The following CTDSPL variants were observed in gnomAD, a reference collection of about 807,000 sequenced individuals.
CTDSPL encodes the protein CTD small phosphatase-like protein.
CTDSPL carries 8 observed loss-of-function variants against 30.5 expected under a neutral mutation model. The ratio of observed to expected loss-of-function variants is 0.26; its 90% confidence interval spans 0.15 to 0.47. CTDSPL has a LOEUF of 0.47. Among genes scored for constraint, CTDSPL ranks in the 20% least tolerant of loss-of-function variants. The pLI is 0.99. For synonymous variants in CTDSPL, 110 were observed against 137.9 expected, an observed-to-expected ratio of 0.80 and a Z score of 1.42; for missense variants, 248 against 366.1, an observed-to-expected ratio of 0.68 and a Z score of 2.63.
intron 3 of CTDSPL, among the ~76,000 whole-genome samples, chr3:37,964,244 A>G (rs537926953): frequency 1.1e-3 from 161 of 152,172 alleles, no homozygotes; most frequent in Admixed American, 3.2e-3. Context: ...GTGAGGCAAA[A>G]TGCTGGGCAT....
chr3:37,974,677 A>G (rs1362217135), intron 6 of CTDSPL, among the ~76,000 whole-genome samples: 1 of 152,204 alleles, frequency 6.6e-6, no homozygotes, highest in Non-Finnish European at 1.5e-5. Flanking sequence ...AGAGAGGGCC[A>G]GGCAGGATGA....
chr3:37,910,161 T>G (rs1698565842), intron 1 of CTDSPL, among the ~76,000 whole-genome samples: 1 of 152,212 alleles, frequency 6.6e-6, no homozygotes, highest in Non-Finnish European at 1.5e-5. Context: ...GGCCACATAG[T>G]AACCACATAA....
chr3:37,964,787 T>C, intron 4 of CTDSPL, 115 bp downstream of exon 4: 1 of 710,256 alleles, frequency 1.4e-6, no homozygotes, highest in Non-Finnish European at 2.4e-6. Context: ...ACTTCACTCT[T>C]CATGTAGAAA....
In CTDSPL at chr3:37,984,362, C is replaced by T. The variant is rs1393120529; in HGVS notation, c.*3495C>T. On this transcript the variant is annotated 3_prime_UTR_variant, in exon 8 of 8. Coordinates refer to ENST00000273179, the MANE Select transcript of CTDSPL (RefSeq NM_001008392.2). ...GAATGTGATAAACAATCCAGCATTA[C>T]TTAGGAAATGCTACATGCGGAATGT... The T allele has an allele frequency of 4.4e-6, 2 of 450,596 alleles. No homozygotes were observed. Among genetic ancestry groups the T allele is most frequent in the East Asian group, 1.4e-4 (2 of 14,198 alleles). The allele number at this position is 450,596 out of a possible 1,614,324, so 27.9% of individuals were successfully genotyped here.
At chr3:37,961,797 A>G (rs1293263238) in intron 3 of CTDSPL, among the ~76,000 whole-genome samples, 2 of 152,202 alleles carry the variant, frequency 1.3e-5, no homozygotes, top group East Asian at 3.9e-4. Flanking sequence ...TAAGGAAACA[A>G]TAATCCAATG....
chr3:37,950,499 T>C (rs182655857), intron 2 of CTDSPL, among the ~76,000 whole-genome samples: 96 of 152,316 alleles, frequency 6.3e-4, no homozygotes, highest in South Asian at 8.3e-4. Context: ...AACAGGAGAA[T>C]GGTCACTGCT....
chr3:37,922,832 G>T (rs928723188), intron 1 of CTDSPL, among the ~76,000 whole-genome samples: 18 of 152,140 alleles, frequency 1.2e-4, no homozygotes, highest in African/African-American at 4.3e-4. Context: ...AGCACTAAGT[G>T]TGTTTCTGTG....
Position 37,981,927 on chromosome 3 carries a change from T to C in CTDSPL, c.*1060T>C, listed in dbSNP as rs1699496968. 1 of 456,904 alleles carries C rather than the reference T, an allele frequency of 2.2e-6. No homozygotes were observed. Among genetic ancestry groups the C allele is most frequent in the Non-Finnish European group, 4.4e-6 (1 of 226,968 alleles). The allele number at this position is 456,904 out of a possible 1,614,324, so 28.3% of individuals were successfully genotyped here. ...TTACACTGTTCTTTGCCACTGTGCC[T>C]ATGCTCAGAATATGCTCACTGCTAA... On this transcript the variant is annotated 3_prime_UTR_variant, in exon 8 of 8. Coordinates refer to ENST00000273179, the MANE Select transcript of CTDSPL (RefSeq NM_001008392.2).
At chr3:37,868,422 G>A (rs1202770345) in intron 1 of CTDSPL, among the ~76,000 whole-genome samples, 1 of 152,038 alleles carries the variant, frequency 6.6e-6, no homozygotes, top group East Asian at 1.9e-4. Context: ...TTGATAAGGT[G>A]CAATATATAA....
chr3:37,905,474 C>T (rs370203866), intron 1 of CTDSPL, among the ~76,000 whole-genome samples: 16 of 152,092 alleles, frequency 1.1e-4, no homozygotes, highest in East Asian at 7.7e-4. Flanking sequence ...AGTTTTTTTC[C>T]AGGCCTGGGC....
rs146966892 is a variant in CTDSPL, at chr3:37,875,363, T to C, written c.79+13085T>C. 5.0e-3 allele frequency among the ~76,000 whole-genome samples: 760 copies of C among 152,370 alleles called. 2 individuals are homozygous for C. Among genetic ancestry groups the C allele is most frequent in the Middle Eastern group, 0.027 (8 of 294 alleles). ...GCTTTCTTTGTAATTATAATTTATA[T>C]TAAGGCTATTTGCCAAAATGTTTTA... On this transcript the variant is annotated intron_variant, in intron 1 of 7. Transcript: ENST00000273179.
chr3:37,907,113 C>T (rs1043916951), intron 1 of CTDSPL, among the ~76,000 whole-genome samples: 3 of 152,168 alleles, frequency 2.0e-5, no homozygotes, highest in Non-Finnish European at 4.4e-5. Flanking sequence ...CTTGCTGAGA[C>T]ATATATGGCT....
chr3:37,967,777 G>A (rs771908508), intron 4 of CTDSPL, 49 bp from the exon 5 acceptor site: 8 of 1,397,898 alleles, frequency 5.7e-6, no homozygotes, highest in East Asian at 2.3e-5. Context: ...AATTTCCAGA[G>A]TTTTTTTGTT....
chr3:37,872,927 G>A (rs1698093157), intron 1 of CTDSPL, among the ~76,000 whole-genome samples: 1 of 152,158 alleles, frequency 6.6e-6, no homozygotes, highest in South Asian at 2.1e-4. Flanking sequence ...CGGCTTCTGT[G>A]TGGTCTCTAC....
intron 1 of CTDSPL, among the ~76,000 whole-genome samples, chr3:37,918,816 G>T (rs573319030): frequency 6.6e-6 from 1 of 151,998 alleles, no homozygotes; most frequent in Non-Finnish European, 1.5e-5. Context: ...AACTGTATGT[G>T]ATCTGGGCCC....
At chr3:37,935,676 T>G (rs945757496) in intron 1 of CTDSPL, among the ~76,000 whole-genome samples, 12 of 152,196 alleles carry the variant, frequency 7.9e-5, no homozygotes, top group Non-Finnish European at 1.6e-4. Flanking sequence ...TGGTGGGACC[T>G]TGTCTGGCAT....
At chr3:37,863,087 G>C (rs1697964357) in intron 1 of CTDSPL, among the ~76,000 whole-genome samples, 1 of 152,200 alleles carries the variant, frequency 6.6e-6, no homozygotes, top group South Asian at 2.1e-4. Flanking sequence ...GTCTGGGGGG[G>C]AGAAGAGGCA....
chr3:37,884,193 G>A (rs1173897909), intron 1 of CTDSPL, among the ~76,000 whole-genome samples: 1 of 151,988 alleles, frequency 6.6e-6, no homozygotes, highest in Non-Finnish European at 1.5e-5. Flanking sequence ...AAATCAATAG[G>A]GGACAAGGAA....
At chr3:37,873,290 A>G (rs1698098072) in intron 1 of CTDSPL, among the ~76,000 whole-genome samples, 1 of 152,182 alleles carries the variant, frequency 6.6e-6, no homozygotes, top group Admixed American at 6.5e-5. Context: ...ATAGTAGAGC[A>G]GTTTTGTCTG....
Sources: allele counts gnomAD v4.1 joint callset (sites outside exome capture counted in the v4.1 genomes callset), GRCh38; gene constraint gnomAD v4.1.1; transcripts MANE v1.5; gene names NCBI Gene and HGNC (gene_info 2026-07-23, HGNC 2026-07-21).